Variants in TEX9 observed in about 807,000 individuals in gnomAD.
TEX9 encodes the protein testis expressed 9.
In TEX9, 74 loss-of-function variants were observed where a neutral mutation model predicts 59.6. The observed-to-expected ratio is 1.24, with a 90% confidence interval of 1.03 to 1.51. The LOEUF (loss-of-function observed/expected upper bound fraction) is 1.51. Among genes scored for constraint, TEX9 ranks in the 40% most tolerant of loss-of-function variants. The probability of loss-of-function intolerance (pLI) is 0.00; values close to 1 mark genes in which losing one functional copy is unlikely to be tolerated. For synonymous variants in TEX9, 186 were observed against 152.2 expected, an observed-to-expected ratio of 1.22 and a Z score of -1.64; for missense variants, 522 against 447.8, an observed-to-expected ratio of 1.17 and a Z score of -1.49.
intron 1 of TEX9, among the ~76,000 whole-genome samples, chr15:56,271,064 A>G (rs1019039583): frequency 5.3e-5 from 8 of 152,192 alleles, no homozygotes; most frequent in Non-Finnish European, 1.0e-4. Context: ...GGCTGCCCTT[A>G]ACATTTTTCC....
At chr15:56,446,804 A>G, downstream of TEX9, 1 of 1,453,750 alleles carries the variant, frequency 6.9e-7, no homozygotes. Flanking sequence ...TATTTTCTAA[A>G]TGAAGCTAAA....
chr15:56,384,075 A>G, intron 4 of TEX9, 44 bp downstream of exon 4: 1 of 1,451,952 alleles, frequency 6.9e-7, no homozygotes, highest in Non-Finnish European at 9.5e-7. Flanking sequence ...AAAAGGATGT[A>G]CATGGATCGT....
chr15:56,417,312 A>G (rs1161357453), intron 10 of TEX9, among the ~76,000 whole-genome samples: 1 of 150,846 alleles, frequency 6.6e-6, no homozygotes, highest in Non-Finnish European at 1.5e-5. Flanking sequence ...TGAGATCTTT[A>G]TAACTTTTTG....
intron 1 of TEX9, among the ~76,000 whole-genome samples, chr15:56,293,630 C>G (rs1212749061): frequency 2.6e-5 from 4 of 152,154 alleles, no homozygotes; most frequent in Admixed American, 1.3e-4. Context: ...CGCAGGGTAT[C>G]AGTTTTGCCT....
At chr15:56,365,408 A>G (rs1335110348), upstream of TEX9, 1 of 1,597,744 alleles carries the variant, frequency 6.3e-7, no homozygotes, top group Non-Finnish European at 8.5e-7. Flanking sequence ...CTCTCGCGGG[A>G]AGATGCGTCG....
At chr15:56,354,073 T>G (rs779998797) in intron 1 of TEX9, among the ~76,000 whole-genome samples, 6 of 152,226 alleles carry the variant, frequency 3.9e-5, no homozygotes, top group Non-Finnish European at 7.3e-5. Flanking sequence ...TTTGATTATT[T>G]GTAATAATCC....
chr15:56,291,577 G>C (rs924760127), intron 1 of TEX9, among the ~76,000 whole-genome samples: 2 of 152,102 alleles, frequency 1.3e-5, no homozygotes, highest in Non-Finnish European at 2.9e-5. Flanking sequence ...AATACTTAAA[G>C]TCTACTCTCT....
At chr15:56,430,277 G>T (rs2050546641) in intron 12 of TEX9, among the ~76,000 whole-genome samples, 123 bp downstream of exon 12, 1 of 152,134 alleles carries the variant, frequency 6.6e-6, no homozygotes, top group African/African-American at 2.4e-5. Context: ...CAAGATCATG[G>T]GTCACTGCAG....
At chr15:56,319,095 G>A (rs2045845466) in intron 1 of TEX9, among the ~76,000 whole-genome samples, 1 of 151,948 alleles carries the variant, frequency 6.6e-6, no homozygotes, top group South Asian at 2.1e-4. Flanking sequence ...CAGAGAGGAA[G>A]TTTCACAAGT....
rs1415240699 is a variant in TEX9, at chr15:56,410,463, G to T, written c.829-1839G>T. On this transcript the variant is annotated intron_variant, in intron 9 of 12. Coordinates refer to ENST00000352903, the Ensembl canonical transcript of TEX9. The stretch of plus-strand genomic sequence containing the variant: ...TTAATGTTAAATTTGATTTTCTTAG[G>T]TTTTTTTTTTAAAAAAAAACTAATG... Among the ~76,000 whole-genome samples the T allele has an allele frequency of 2.7e-5, 4 of 146,694 alleles. No homozygotes were observed. In the East Asian group the frequency reaches 5.9e-4, roughly 22 times the overall value.
At chr15:56,263,678 C>T (rs954739456) in intron 1 of TEX9, among the ~76,000 whole-genome samples, 1 of 152,120 alleles carries the variant, frequency 6.6e-6, no homozygotes, top group Non-Finnish European at 1.5e-5. Flanking sequence ...CATCATTCCC[C>T]CAAATTTGTT....
At chr15:56,446,731 G>C (rs956902311), downstream of TEX9, 4 of 725,868 alleles carry the variant, frequency 5.5e-6, no homozygotes, top group Non-Finnish European at 8.7e-6. Flanking sequence ...AAATATTTAA[G>C]AAATCTAGCA....
intron 1 of TEX9, among the ~76,000 whole-genome samples, chr15:56,288,902 A>G (rs1391178950): frequency 2.6e-5 from 4 of 152,114 alleles, no homozygotes; most frequent in East Asian, 3.8e-4. Flanking sequence ...CATAAATCCT[A>G]TAAGCTTTCT....
At position 56,388,697 on chromosome 15, in the gene TEX9, G is replaced by A. The variant is rs375408094; in HGVS notation, c.312+177G>A. Among the ~76,000 whole-genome samples the A allele has an allele frequency of 2.0e-5, 3 of 152,098 alleles. 1 individual carries two copies. The highest frequency in any genetic ancestry group is 6.6e-5 in the Admixed American group (1 of 15,254). ...CCTCATAAACTAAATGGAATCCTTT[G>A]TTGTCTCATAATTTCACTGAATAAT... On this transcript the variant is annotated intron_variant, in intron 5 of 12. Coordinates refer to ENST00000352903, the Ensembl canonical transcript of TEX9.
chr15:56,384,736 A>G (rs1294527352), intron 4 of TEX9, among the ~76,000 whole-genome samples: 2 of 152,158 alleles, frequency 1.3e-5, no homozygotes, highest in Non-Finnish European at 2.9e-5. Context: ...AAGGATTAAT[A>G]TTATGTAGTG....
At chr15:56,358,833 T>G (rs972592816) in intron 1 of TEX9, among the ~76,000 whole-genome samples, 2 of 152,114 alleles carry the variant, frequency 1.3e-5, no homozygotes, top group African/African-American at 4.8e-5. Flanking sequence ...GAGTGATGTC[T>G]CATGAGATCT....
chr15:56,331,884 G>C (rs1311934124), intron 1 of TEX9, among the ~76,000 whole-genome samples: 1 of 143,116 alleles, frequency 7.0e-6, no homozygotes, highest in Non-Finnish European at 1.5e-5. Flanking sequence ...CATCATCACT[G>C]GCCATCAGAG....
chr15:56,321,197 G>T (rs1486666640), intron 1 of TEX9, among the ~76,000 whole-genome samples: 3 of 152,132 alleles, frequency 2.0e-5, no homozygotes, highest in Admixed American at 2.0e-4. Context: ...ATACAATAAG[G>T]CCACAGTAAC....
At chr15:56,345,694 C>G (rs751503176) in intron 1 of TEX9, among the ~76,000 whole-genome samples, 8 of 152,060 alleles carry the variant, frequency 5.3e-5, no homozygotes, top group Non-Finnish European at 1.0e-4. Context: ...AAAACCTGGA[C>G]AAAGCAACCG....
Sources: allele counts gnomAD v4.1 joint callset (sites outside exome capture counted in the v4.1 genomes callset), GRCh38; gene constraint gnomAD v4.1.1; transcripts MANE v1.5; gene names NCBI Gene and HGNC (gene_info 2026-07-23, HGNC 2026-07-21).